PGM3: variants seen among roughly 807,000 people sequenced by gnomAD.
The protein encoded by PGM3 is phosphoglucomutase 3, also known as phosphoacetylglucosamine mutase.
A neutral mutation model predicts 66.2 loss-of-function variants in PGM3; 40 were observed. That is an observed-to-expected ratio of 0.60 (90% CI 0.47 to 0.79). The LOEUF is 0.79. Ranked by LOEUF, PGM3 falls within the 30% of genes least tolerant of loss-of-function variation. PGM3 has a pLI of 0.00. For missense variants in PGM3, 537 were observed against 643.4 expected, an observed-to-expected ratio of 0.83 and a Z score of 1.79; for synonymous variants, 191 against 224.2, an observed-to-expected ratio of 0.85 and a Z score of 1.32.
intron 2 of PGM3, 119 bp downstream of exon 2, chr6:83,190,690 A>T (rs912786511): frequency 2.3e-5 from 18 of 784,000 alleles, no homozygotes; most frequent in Non-Finnish European, 3.6e-5. Flanking sequence ...TCCAAAGCAC[A>T]TATAAATGAG....
At chr6:83,160,544 T>A (rs1783985764), downstream of PGM3, among the ~76,000 whole-genome samples, 1 of 152,196 alleles carries the variant, frequency 6.6e-6, no homozygotes, top group Non-Finnish European at 1.5e-5. Flanking sequence ...TTTAGAATGC[T>A]TATTTTGGCT....
the PGM3 span, among the ~76,000 whole-genome samples, chr6:83,152,667 G>A: frequency 1.3e-5 from 2 of 149,604 alleles, no homozygotes; most frequent in Admixed American, 6.6e-5. Context: ...GCCCAGGCTG[G>A]AGTCAAGTGG....
At chr6:83,151,578 C>T in the PGM3 span, 11 of 1,584,660 alleles carry the variant, frequency 6.9e-6, no homozygotes, top group African/African-American at 6.8e-5. Context: ...TCTGTTTTCT[C>T]TTTGGCCCTT....
chr6:83,163,398 A>G (rs560497906), downstream of PGM3, among the ~76,000 whole-genome samples: 1 of 152,312 alleles, frequency 6.6e-6, no homozygotes, highest in Non-Finnish European at 1.5e-5. Flanking sequence ...GTTTCAACAG[A>G]ACTAATCAAT....
At chr6:83,183,998 G>A (rs980478919) in intron 4 of PGM3, among the ~76,000 whole-genome samples, 1 of 151,960 alleles carries the variant, frequency 6.6e-6, no homozygotes, top group Non-Finnish European at 1.5e-5. Flanking sequence ...TTACAGGCAT[G>A]AGCCACCACA....
rs896026738 is a variant in PGM3 at position 83,166,258 on chromosome 6, G to C, written c.*2976C>G. ...ATGGTCAACATTGAGTTCTTGGGCAGCTCTCTTATAGTTGTAAGAGGATCA... is the reference window on the plus strand; with the variant it reads ...ATGGTCAACATTGAGTTCTTGGGCACCTCTCTTATAGTTGTAAGAGGATCA... On this transcript the variant is annotated 3_prime_UTR_variant, in exon 13 of 13. Coordinates refer to ENST00000513973, the MANE Select transcript of PGM3 (RefSeq NM_015599.3). 1.9e-6 allele frequency: 1 copy of C among 525,648 alleles called. No homozygotes were observed. Among genetic ancestry groups the C allele is most frequent in the East Asian group, 2.9e-5 (1 of 33,904 alleles). 32.6% of individuals were successfully genotyped at this position (525,648 alleles called of 1,614,324 possible).
the PGM3 span, chr6:83,153,452 C>T: frequency 2.7e-6 from 3 of 1,107,374 alleles, no homozygotes; most frequent in South Asian, 1.6e-5. Context: ...AAAATCAGTA[C>T]CTTGGGATGA....
chr6:83,167,221 C>CA lies in PGM3; in HGVS notation c.*2012dup. On this transcript the variant is annotated 3_prime_UTR_variant, in exon 13 of 13. Coordinates refer to ENST00000513973, the MANE Select transcript of PGM3 (RefSeq NM_015599.3). Reference sequence around the variant, plus strand: ...CTGCCCAAGGGTGCCGTAAGTATGGCAGAGCCAGCACACTAACTCAATTCC... The same window carrying CA: ...CTGCCCAAGGGTGCCGTAAGTATGGCAAGAGCCAGCACACTAACTCAATTCC... The CA allele has an allele frequency of 1.1e-6, 1 of 933,518 alleles. No homozygotes were observed. The highest frequency in any genetic ancestry group is 1.3e-6 in the Non-Finnish European group (1 of 782,494). The allele number at this position is 933,518 out of a possible 1,614,324, so 57.8% of individuals were successfully genotyped here.
chr6:83,158,476 G>GT (rs1783378561), downstream of PGM3: 4 of 986,660 alleles, frequency 4.1e-6, no homozygotes, highest in Admixed American at 5.4e-5. Context: ...TCTAAAATTT[G>GT]TTTTTGCGTT....
Position 83,169,051 on chromosome 6 carries a change from T to C in PGM3, c.*183A>G. 1 of 1,403,272 alleles carries C rather than the reference T, an allele frequency of 7.1e-7. No individual in the cohort carries two copies. The highest frequency in any genetic ancestry group is 9.2e-7 in the Non-Finnish European group (1 of 1,081,252). The allele number at this position is 1,403,272 out of a possible 1,614,324, so 86.9% of individuals were successfully genotyped here. ...ATTAGAGGTAAATTTCTTTAACAAGTGTAAGGCTTACCTATTTATAAAGAA... is the reference window on the plus strand; with the variant it reads ...ATTAGAGGTAAATTTCTTTAACAAGCGTAAGGCTTACCTATTTATAAAGAA... On this transcript the variant is annotated 3_prime_UTR_variant, in exon 13 of 13. Coordinates refer to ENST00000513973, the MANE Select transcript of PGM3 (RefSeq NM_015599.3).
rs376873463 is a variant in PGM3 at position 83,165,779 on chromosome 6, C to A, written c.*3455G>T. Reference sequence around the variant, plus strand: ...TTCGAAGCGTTGGTTGTGCAACGTGCGGCCCAGTGTTGTCGTGAAAAGAAT... The same window carrying A: ...TTCGAAGCGTTGGTTGTGCAACGTGAGGCCCAGTGTTGTCGTGAAAAGAAT... On this transcript the variant is annotated 3_prime_UTR_variant, in exon 13 of 13. Coordinates refer to ENST00000513973, the MANE Select transcript of PGM3 (RefSeq NM_015599.3). 2 of 261,290 alleles carry A rather than the reference C, an allele frequency of 7.7e-6. No homozygotes were observed. The highest frequency in any genetic ancestry group is 1.1e-4 in the East Asian group (1 of 9,478). The allele number at this position is 261,290 out of a possible 1,614,324, so 16.2% of individuals were successfully genotyped here.
the PGM3 span, among the ~76,000 whole-genome samples, chr6:83,150,802 A>T: frequency 6.6e-6 from 1 of 152,232 alleles, no homozygotes; most frequent in African/African-American, 2.4e-5. Flanking sequence ...AGATTTTTTA[A>T]ACTTTTCTGT....
chr6:83,186,569 TTGATA>T (rs1661978231), intron 4 of PGM3, among the ~76,000 whole-genome samples: 1 of 152,164 alleles, frequency 6.6e-6, no homozygotes, highest in Non-Finnish European at 1.5e-5. Flanking sequence ...TCTCTGTCAT[TTGATA>T]TAACATAAAG....
At chr6:83,157,129 T>C (rs1259830017), downstream of PGM3, 3 of 1,578,822 alleles carry the variant, frequency 1.9e-6, no homozygotes, top group Admixed American at 1.9e-5. Context: ...ATATAGAAAG[T>C]TTTATGTGAT....
In PGM3 at chr6:83,167,927, C is replaced by T. The variant is rs754276025; in HGVS notation, c.*1307G>A. 1 of 1,614,158 alleles carries T rather than the reference C, an allele frequency of 6.2e-7. No homozygotes were observed. Among genetic ancestry groups the T allele is most frequent in the Non-Finnish European group, 8.5e-7 (1 of 1,180,020 alleles). ...GGGAGCCAGGGCACTTGCTGCTCAC[C>T]ATCTGCACCGTGCGCAGTATGGAGC... On this transcript the variant is annotated 3_prime_UTR_variant, in exon 13 of 13. Coordinates refer to ENST00000513973, the MANE Select transcript of PGM3 (RefSeq NM_015599.3).
At chr6:83,162,946 G>A (rs1244750077), downstream of PGM3, 1 of 1,601,412 alleles carries the variant, frequency 6.2e-7, no homozygotes, top group South Asian at 1.1e-5. Context: ...TGATTGTTTT[G>A]TTTTACATCA....
chr6:83,181,939 G>T lies in PGM3; in HGVS notation c.592-8C>A. The T allele has an allele frequency of 1.3e-6, 2 of 1,554,030 alleles. No individual in the cohort carries two copies. The highest frequency in any genetic ancestry group is 1.7e-6 in the Non-Finnish European group (2 of 1,154,082). ...ATCTCCACTGCAAGAAGCCTACAAA[G>T]GAAAAAGACACATGGAAGAAAAATT... On this transcript the variant is annotated splice_polypyrimidine_tract_variant and splice_region_variant and intron_variant, in intron 5 of 12. Coordinates refer to ENST00000513973, the MANE Select transcript of PGM3 (RefSeq NM_015599.3).
At chr6:83,184,050 G>A (rs139331559) in intron 4 of PGM3, among the ~76,000 whole-genome samples, 1,613 of 152,092 alleles carry the variant, frequency 0.011, 38 homozygotes, top group African/African-American at 0.036. Context: ...CCCAGCCAGT[G>A]CCCCAGGTAC....
chr6:83,172,079 TG>T lies in PGM3; in HGVS notation c.1243-21del. ...AGCTGCCTGCAAATGGGGAAACAAA[TG>T]GAAGAAACCACTTAACACAAGCAAA... On this transcript the variant is annotated intron_variant, in intron 10 of 12. Transcript: ENST00000513973. The T allele has an allele frequency of 1.9e-6, 3 of 1,612,834 alleles. No homozygotes were observed. The highest frequency in any genetic ancestry group is 1.3e-5 in the African/African-American group (1 of 74,952).
Sources: allele counts gnomAD v4.1 joint callset (sites outside exome capture counted in the v4.1 genomes callset), GRCh38; gene constraint gnomAD v4.1.1; transcripts MANE v1.5; gene names NCBI Gene and HGNC (gene_info 2026-07-23, HGNC 2026-07-21).